The following RUFY4 variants were observed in gnomAD, a reference collection of about 807,000 sequenced individuals.
RUFY4 encodes RUN and FYVE domain containing 4, also known as RUN and FYVE domain-containing protein 4.
A neutral mutation model predicts 69.0 loss-of-function variants in RUFY4; 73 were observed. The observed-to-expected ratio is 1.06, with a 90% CI of 0.88 to 1.29. The LOEUF (loss-of-function observed/expected upper bound fraction) is 1.29. Ranked by LOEUF, RUFY4 falls within the 50% of genes most tolerant of loss-of-function variation. RUFY4 has a pLI of 0.00. For missense variants in RUFY4, 770 were observed against 705.6 expected, an observed-to-expected ratio of 1.09 and a Z score of -1.03; for synonymous variants, 287 against 271.8, an observed-to-expected ratio of 1.06 and a Z score of -0.55.
At chr2:218,051,234 T>C (rs1574495821) in intron 2 of RUFY4, among the ~76,000 whole-genome samples, 1 of 152,152 alleles carries the variant, frequency 6.6e-6, no homozygotes, top group East Asian at 1.9e-4. Flanking sequence ...TTTGACTTCT[T>C]AAATATTATA....
chr2:218,071,662 C>T (rs1026786257), intron 2 of RUFY4, among the ~76,000 whole-genome samples: 1 of 152,162 alleles, frequency 6.6e-6, no homozygotes, highest in Non-Finnish European at 1.5e-5. Context: ...CATTCTCTTT[C>T]CTGCTTTATT....
chr2:218,083,884 C>A, intron 9 of RUFY4, among the ~76,000 whole-genome samples: 2 of 138,926 alleles, frequency 1.4e-5, no homozygotes, highest in Non-Finnish European at 3.1e-5. Context: ...GAGAAAGGAA[C>A]CATGGGTTGA....
At chr2:218,081,339 A>G (rs1207031485) in intron 8 of RUFY4, among the ~76,000 whole-genome samples, 2 of 152,124 alleles carry the variant, frequency 1.3e-5, no homozygotes, top group East Asian at 1.9e-4. Context: ...ACATGTGCCC[A>G]TGCCTGGCTC....
At position 218,072,500 on chromosome 2, in the gene RUFY4, G is replaced by A. The variant is rs551212763; in HGVS notation, c.279+1G>A. ...CCACTTTGTCCGTTCCCAGGACAAG[G>A]TATCCAGGGCCAGGCAGCAAGAAGG... On this transcript the variant is annotated splice_donor_variant, in intron 3 of 10. Coordinates refer to ENST00000344321, the Ensembl canonical transcript of RUFY4. LOFTEE classifies it high-confidence loss of function. 6.5e-6 allele frequency: 10 copies of A among 1,536,758 alleles called. No homozygotes were observed. In the South Asian group the frequency reaches 1.2e-4, roughly 18 times the overall value.
rs1295047237 is a variant in RUFY4 at position 218,073,336 on chromosome 2, G to T, written c.480G>T (p.Glu160Asp). The T allele has an allele frequency of 6.3e-7, 1 of 1,584,432 alleles. No individual in the cohort carries two copies. The highest frequency in any genetic ancestry group is 1.8e-5 in the Admixed American group (1 of 55,562). ...ATGCTCTCAATGGGGTGGCCTTCGA[G>T]TTGGACCTCCAGCAGCCAGACCTGG... Residue 160 changes from glutamate (E) to aspartate (D), a missense_variant, in exon 5 of 11, where the codon GAG (glutamate) becomes GAT (aspartate). Glu to Asp is a conservative substitution (Grantham distance 45). Coordinates refer to ENST00000344321, the Ensembl canonical transcript of RUFY4.
chr2:218,089,537 A>T, intron 10 of RUFY4, 175 bp downstream of exon 12: 1 of 641,646 alleles, frequency 1.6e-6, no homozygotes. Context: ...AGAGCCATAA[A>T]GGAGAAGAGC....
At chr2:218,040,312 G>A (rs1416895802) in intron 2 of RUFY4, among the ~76,000 whole-genome samples, 2 of 152,136 alleles carry the variant, frequency 1.3e-5, no homozygotes, top group Non-Finnish European at 2.9e-5. Flanking sequence ...CAGAAGGGAG[G>A]TGTCGTCTGA....
chr2:218,076,496 G>C (rs1188854982), exon 8 of RUFY4: 1 of 1,551,172 alleles, frequency 6.4e-7, no homozygotes, highest in South Asian at 1.2e-5. Flanking sequence ...GAGGGAGCAG[G>C]AGGGGGAGCT....
chr2:218,040,745 C>A (rs73082326), intron 2 of RUFY4, among the ~76,000 whole-genome samples: 1 of 151,936 alleles, frequency 6.6e-6, no homozygotes, highest in East Asian at 1.9e-4. Context: ...CTGGTAGGGA[C>A]GGAACATACT....
chr2:218,062,890 C>T lies in RUFY4; in HGVS notation c.-1071+4209C>T, dbSNP rs370979169. Among the ~76,000 whole-genome samples the T allele has an allele frequency of 1.6e-3, 245 of 152,256 alleles. 17 individuals are homozygous for T. In the South Asian group the frequency reaches 0.049, roughly 31 times the overall value. On this transcript the variant is annotated intron_variant and NMD_transcript_variant, in intron 3 of 13. Coordinates refer to the RUFY4 transcript ENST00000457754. ...CCTGCACCCCAATAAGAGGGAACGG[C>T]GGCAGGAAGCAGAGAAAACAGGGGC...
At chr2:218,050,187 C>T (rs1397545528) in intron 2 of RUFY4, among the ~76,000 whole-genome samples, 1 of 152,234 alleles carries the variant, frequency 6.6e-6, no homozygotes. Context: ...CTCAGCCTCA[C>T]AGATGGCTAC....
At chr2:218,062,141 T>C (rs1395152302) in intron 3 of RUFY4, among the ~76,000 whole-genome samples, 1 of 152,196 alleles carries the variant, frequency 6.6e-6, no homozygotes, top group Non-Finnish European at 1.5e-5. Context: ...GGCTCACGCC[T>C]GTAATCCCAG....
intron 6 of RUFY4, among the ~76,000 whole-genome samples, chr2:218,074,672 G>A (rs992792458): frequency 1.3e-5 from 2 of 152,144 alleles, no homozygotes; most frequent in Non-Finnish European, 2.9e-5. Context: ...GCTGAGTGTC[G>A]GTCTAGTCGA....
At chr2:218,088,478 A>G (rs1442337577) in intron 9 of RUFY4, among the ~76,000 whole-genome samples, 1 of 152,090 alleles carries the variant, frequency 6.6e-6, no homozygotes, top group East Asian at 1.9e-4. Context: ...AAAGAAAAGA[A>G]AAAAGAAAAA....
At chr2:218,035,606 G>T (rs374424771) in intron 2 of RUFY4, among the ~76,000 whole-genome samples, 3 of 152,148 alleles carry the variant, frequency 2.0e-5, no homozygotes, top group South Asian at 4.1e-4. Context: ...AGCCCGGGAG[G>T]CAGGACACCT....
At chr2:218,072,604 T>C in intron 3 of RUFY4, 105 bp downstream of exon 5, 1 of 1,452,570 alleles carries the variant, frequency 6.9e-7, no homozygotes, top group African/African-American at 1.4e-5. Flanking sequence ...TCACCTGCTC[T>C]GCATGTCTCC....
intron 8 of RUFY4, 122 bp downstream of exon 10, chr2:218,076,655 C>T: frequency 1.4e-6 from 2 of 1,448,366 alleles, no homozygotes; most frequent in Non-Finnish European, 1.8e-6. Flanking sequence ...GGACTGGGCA[C>T]ACCTTTGGGA....
chr2:218,082,140 A>T (rs1689774131), intron 8 of RUFY4, among the ~76,000 whole-genome samples: 1 of 152,238 alleles, frequency 6.6e-6, no homozygotes, highest in Admixed American at 6.5e-5. Flanking sequence ...CCTTTCAGAA[A>T]ACCACTACAC....
chr2:218,072,544 A>G, intron 3 of RUFY4, 45 bp downstream of exon 5: 2 of 1,531,162 alleles, frequency 1.3e-6, no homozygotes, highest in South Asian at 2.4e-5. Context: ...GTGGGGGTAG[A>G]CATAGGCCTC....
Sources: allele counts gnomAD v4.1 joint callset (sites outside exome capture counted in the v4.1 genomes callset), GRCh38; gene constraint gnomAD v4.1.1; transcripts MANE v1.5; gene names NCBI Gene and HGNC (gene_info 2026-07-23, HGNC 2026-07-21).